C3orf33: variants seen among roughly 807,000 people sequenced by gnomAD.
The protein encoded by C3orf33 is mitochondrial inner membrane subdomain organizer 1.
C3orf33 carries 23 observed loss-of-function variants against 28.7 expected under a neutral mutation model. The ratio of observed to expected loss-of-function variants is 0.80; its 90% CI spans 0.58 to 1.13. C3orf33 has a LOEUF of 1.13. C3orf33 is among the 50% of genes most tolerant of loss of function. The pLI, the probability that C3orf33 is intolerant of heterozygous loss-of-function variation, is 0.00. For synonymous variants in C3orf33, 119 were observed against 120.5 expected (o/e 0.99, Z 0.08); for missense variants, 327 against 353.4 (o/e 0.93, Z 0.60).
At position 155,786,730 on chromosome 3, in the gene C3orf33, C is replaced by CT. The variant is rs57418027; in HGVS notation, c.175-10883dup. On this transcript the variant is annotated intron_variant, in intron 2 of 4. Coordinates refer to ENST00000340171, the MANE Select transcript of C3orf33 (RefSeq NM_001308229.2). Reference sequence around the variant, plus strand: ...CCTGTAATCCCAGCTACTCAGGAGGCTGAGGCAGAAGAATCACTTGAACCT... The same window carrying CT: ...CCTGTAATCCCAGCTACTCAGGAGGCTTGAGGCAGAAGAATCACTTGAACCT... 5.5e-3 allele frequency among the ~76,000 whole-genome samples: 839 copies of CT among 152,256 alleles called. 8 individuals carry two copies. The highest frequency in any genetic ancestry group is 0.019 in the African/African-American group (804 of 41,540).
chr3:155,802,816 CACAG>C (rs200871444), intron 1 of C3orf33, among the ~76,000 whole-genome samples: 2 of 152,084 alleles, frequency 1.3e-5, no homozygotes, highest in East Asian at 3.9e-4. Context: ...CAATCTGGCA[CACAG>C]AGACATTTAT....
chr3:155,771,391 C>T lies in C3orf33; in HGVS notation c.323-3722G>A, dbSNP rs370369140. ...CTGCTTCCTGGGCTTAAGCAATGCT[C>T]TCGCCTCAGCCTCCCAAGTATCTGT... On this transcript the variant is annotated intron_variant, in intron 3 of 4. Transcript: ENST00000340171. Among the ~76,000 whole-genome samples, 6 of 152,294 alleles carry T rather than the reference C, an allele frequency of 3.9e-5. No homozygotes were observed. The East Asian group carries it at 9.7e-4, about 25-fold the overall frequency.
rs143254345 is a variant in C3orf33, at chr3:155,770,625, T to A, written c.323-2956A>T. On this transcript the variant is annotated intron_variant, in intron 3 of 4. Transcript: ENST00000340171. Reference sequence around the variant, plus strand: ...TGATCAACAAGAATTTAAAAATAAATCTTCCAGAAACAAATTGATTTTTTG... The same window carrying A: ...TGATCAACAAGAATTTAAAAATAAAACTTCCAGAAACAAATTGATTTTTTG... Among the ~76,000 whole-genome samples the A allele has an allele frequency of 4.6e-3, 703 of 152,300 alleles. 10 individuals are homozygous for A. The highest frequency in any genetic ancestry group is 0.016 in the African/African-American group (656 of 41,572).
intron 2 of C3orf33, among the ~76,000 whole-genome samples, chr3:155,791,348 T>A (rs1295164684): frequency 6.6e-6 from 1 of 152,122 alleles, no homozygotes; most frequent in Non-Finnish European, 1.5e-5. Flanking sequence ...CTGTGGGCCT[T>A]GGGTAAGATT....
At chr3:155,801,675 A>T (rs1284489589) in intron 2 of C3orf33, among the ~76,000 whole-genome samples, 2 of 152,156 alleles carry the variant, frequency 1.3e-5, no homozygotes, top group African/African-American at 4.8e-5. Context: ...GGTCAAAATC[A>T]TGGAGACAGA....
At chr3:155,771,389 C>T (rs545792737) in intron 3 of C3orf33, among the ~76,000 whole-genome samples, 13 of 152,306 alleles carry the variant, frequency 8.5e-5, no homozygotes, top group Admixed American at 2.0e-4. Flanking sequence ...TTAAGCAATG[C>T]TCTCGCCTCA....
chr3:155,793,809 C>CAAA (rs1176317323), intron 2 of C3orf33, among the ~76,000 whole-genome samples: 2 of 37,496 alleles, frequency 5.3e-5, no homozygotes, highest in African/African-American at 1.4e-4. Flanking sequence ...GACTCTGACT[C>CAAA]AAAAAAAAAA....
intron 1 of C3orf33, chr3:155,804,286 T>C: frequency 3.1e-6 from 1 of 317,712 alleles, no homozygotes; most frequent in Non-Finnish European, 6.1e-6. Context: ...TTACACAACT[T>C]CCTCCCATAA....
chr3:155,777,449 T>A (rs1191236627), intron 2 of C3orf33, among the ~76,000 whole-genome samples: 3 of 148,444 alleles, frequency 2.0e-5, no homozygotes, highest in Non-Finnish European at 4.5e-5. Flanking sequence ...TTACAGATCT[T>A]TTTTTTTTTT....
At chr3:155,796,890 A>T (rs1751489133) in intron 2 of C3orf33, among the ~76,000 whole-genome samples, 1 of 152,218 alleles carries the variant, frequency 6.6e-6, no homozygotes, top group Non-Finnish European at 1.5e-5. Context: ...GATACATCAT[A>T]TTGACAAAAT....
chr3:155,767,232 C>T (rs944070011), intron 4 of C3orf33, among the ~76,000 whole-genome samples: 7 of 152,066 alleles, frequency 4.6e-5, no homozygotes, highest in Non-Finnish European at 8.8e-5. Context: ...AGCCTGGCAA[C>T]AGAGAGAGAC....
intron 2 of C3orf33, among the ~76,000 whole-genome samples, chr3:155,800,340 A>T (rs9879847): frequency 0.062 from 9,404 of 152,184 alleles, 739 homozygotes; most frequent in African/African-American, 0.19. Context: ...GCAGTGGCTC[A>T]TGTCTGTAAT....
chr3:155,803,332 G>A (rs1429048046), intron 1 of C3orf33, among the ~76,000 whole-genome samples: 4 of 152,012 alleles, frequency 2.6e-5, no homozygotes, highest in Non-Finnish European at 4.4e-5. Flanking sequence ...TTGGGAGGCC[G>A]AGGCAGGCAG....
intron 2 of C3orf33, among the ~76,000 whole-genome samples, chr3:155,784,808 G>A (rs112270681): frequency 0.02 from 2,928 of 149,342 alleles, 81 homozygotes; most frequent in African/African-American, 0.068. Context: ...AGTAATGCAG[G>A]AAATGAGGGA....
chr3:155,763,479 C>G lies in C3orf33; in HGVS notation c.*38G>C, dbSNP rs1403411600. The G allele has an allele frequency of 4.3e-6, 6 of 1,403,148 alleles. No individual in the cohort carries two copies. Among genetic ancestry groups the G allele is most frequent in the Non-Finnish European group, 5.6e-6 (6 of 1,074,280 alleles). The allele number at this position is 1,403,148 out of a possible 1,614,324, so 86.9% of individuals were successfully genotyped here. On this transcript the variant is annotated 3_prime_UTR_variant, in exon 5 of 5. Transcript: ENST00000340171. ...AACGTCCATATATTTACATATTTCA[C>G]TCTTTGGAGAAGGTTACCTCTAGAT... is the stretch of plus-strand genomic sequence containing the variant.
chr3:155,800,437 C>A (rs142960465), intron 2 of C3orf33, among the ~76,000 whole-genome samples: 1 of 151,254 alleles, frequency 6.6e-6, no homozygotes, highest in Admixed American at 6.6e-5. Flanking sequence ...GGCGCCATTG[C>A]TACAGAAAAA....
intron 2 of C3orf33, among the ~76,000 whole-genome samples, chr3:155,780,788 C>T (rs1394208676): frequency 6.6e-6 from 1 of 152,152 alleles, no homozygotes; most frequent in African/African-American, 2.4e-5. Context: ...CTGCTGAAGG[C>T]TTCTGGGAAA....
At chr3:155,782,264 C>A (rs1300977134) in intron 2 of C3orf33, among the ~76,000 whole-genome samples, 2 of 150,100 alleles carry the variant, frequency 1.3e-5, no homozygotes, top group Non-Finnish European at 3.0e-5. Flanking sequence ...CTATGGAACA[C>A]CATTAAATGA....
At chr3:155,770,458 G>A (rs1359618242) in intron 3 of C3orf33, among the ~76,000 whole-genome samples, 2 of 152,116 alleles carry the variant, frequency 1.3e-5, no homozygotes, top group Non-Finnish European at 2.9e-5. Context: ...AAGCTTTTGG[G>A]ACCAAAAACT....
Sources: allele counts gnomAD v4.1 joint callset (sites outside exome capture counted in the v4.1 genomes callset), GRCh38; gene constraint gnomAD v4.1.1; transcripts MANE v1.5; gene names NCBI Gene and HGNC (gene_info 2026-07-23, HGNC 2026-07-21).